The following GABRG3 variants were observed in gnomAD, a reference collection of about 807,000 sequenced individuals.
GABRG3 encodes gamma-aminobutyric acid receptor subunit gamma-3.
Under a neutral mutation model 48.8 loss-of-function variants are expected in GABRG3, and 25 were observed. The ratio of observed to expected loss-of-function variants is 0.51; its 90% CI spans 0.37 to 0.72. The LOEUF (loss-of-function observed/expected upper bound fraction) is 0.72. Among genes scored for constraint, GABRG3 ranks in the 30% least tolerant of loss-of-function variants. The pLI, the probability that GABRG3 is intolerant of heterozygous loss-of-function variation, is 0.00. For missense variants in GABRG3, 394 were observed against 577.9 expected, an observed-to-expected ratio of 0.68 and a Z score of 3.26; for synonymous variants, 227 against 217.6, an observed-to-expected ratio of 1.04 and a Z score of -0.38.
Position 27,203,511 on chromosome 15 carries a change from G to A in GABRG3, c.271-123298G>A, listed in dbSNP as rs1352207886. On this transcript the variant is annotated intron_variant, in intron 3 of 9. Transcript: ENST00000615808. ...AGTGCTGTGATGAACATGCACATGC[G>A]TGTATCTTTATGGTAGAATGATTTA... is the stretch of plus-strand genomic sequence containing the variant. Among the ~76,000 whole-genome samples, 8 of 152,082 alleles carry A rather than the reference G, an allele frequency of 5.3e-5. No homozygotes were observed. In the South Asian group the frequency reaches 1.0e-3, roughly 20 times the overall value.
At chr15:27,001,955 A>G (rs1895457435) in intron 2 of GABRG3, among the ~76,000 whole-genome samples, 1 of 139,606 alleles carries the variant, frequency 7.2e-6, no homozygotes. Flanking sequence ...GGGTATTATG[A>G]TGTAGATGAA....
At chr15:27,285,800 G>A (rs1355237127) in intron 3 of GABRG3, among the ~76,000 whole-genome samples, 1 of 152,092 alleles carries the variant, frequency 6.6e-6, no homozygotes, top group Admixed American at 6.5e-5. Context: ...ACATCCACAA[G>A]GCAGACTGGC....
At chr15:27,134,633 C>G (rs2140385286) in intron 3 of GABRG3, among the ~76,000 whole-genome samples, 1 of 152,280 alleles carries the variant, frequency 6.6e-6, no homozygotes, top group South Asian at 2.1e-4. Flanking sequence ...CTAGTGTTCA[C>G]TGTCCTCCTC....
rs112099845 is a variant in GABRG3, at chr15:27,176,131, T to G, written c.270+149310T>G. ...TTAAACCAGTTCCTTTTTTTAACTTTAAGAGACCACACAGCTTTTACTATG... is the reference window on the plus strand; with the variant it reads ...TTAAACCAGTTCCTTTTTTTAACTTGAAGAGACCACACAGCTTTTACTATG... On this transcript the variant is annotated intron_variant, in intron 3 of 9. Transcript: ENST00000615808. Among the ~76,000 whole-genome samples, 365 of 152,340 alleles carry G rather than the reference T, an allele frequency of 2.4e-3. 8 individuals are homozygous for G. Among genetic ancestry groups the G allele is most frequent in the African/African-American group, 8.3e-3 (347 of 41,588 alleles).
intron 6 of GABRG3, among the ~76,000 whole-genome samples, chr15:27,506,160 T>G (rs905946015): frequency 6.6e-6 from 1 of 152,190 alleles, no homozygotes; most frequent in African/African-American, 2.4e-5. Flanking sequence ...GTTTATCAGT[T>G]GCAATGGGGA....
intron 5 of GABRG3, among the ~76,000 whole-genome samples, chr15:27,386,537 G>A (rs923820883): frequency 3.3e-5 from 5 of 151,996 alleles, no homozygotes; most frequent in African/African-American, 1.2e-4. Flanking sequence ...ATTTTTCCAT[G>A]GAACTTGGGG....
chr15:27,373,286 A>G (rs1306685187), intron 5 of GABRG3, among the ~76,000 whole-genome samples: 2 of 152,262 alleles, frequency 1.3e-5, no homozygotes, highest in Non-Finnish European at 2.9e-5. Flanking sequence ...AAGTGTTTTT[A>G]TCAACTCATT....
At chr15:27,168,641 G>A (rs535801578) in intron 3 of GABRG3, among the ~76,000 whole-genome samples, 17 of 152,172 alleles carry the variant, frequency 1.1e-4, no homozygotes, top group Non-Finnish European at 2.2e-4. Flanking sequence ...GGGAGCCTTC[G>A]TGAATGGGAT....
At chr15:27,209,472 C>A (rs1486556333) in intron 3 of GABRG3, among the ~76,000 whole-genome samples, 1 of 152,006 alleles carries the variant, frequency 6.6e-6, no homozygotes, top group Non-Finnish European at 1.5e-5. Context: ...CCGGCCGGTG[C>A]TTCTTAACAG....
chr15:27,306,524 A>T (rs1240881740), intron 3 of GABRG3, among the ~76,000 whole-genome samples: 1 of 135,720 alleles, frequency 7.4e-6, no homozygotes, highest in African/African-American at 2.8e-5. Context: ...AACATATATA[A>T]TATAAACATA....
chr15:27,461,631 G>C (rs1889452041), intron 5 of GABRG3, among the ~76,000 whole-genome samples: 1 of 152,194 alleles, frequency 6.6e-6, no homozygotes, highest in Admixed American at 6.5e-5. Context: ...CTGCCGGTTG[G>C]TCCATTTTAC....
At chr15:27,201,540 G>C (rs1888683965) in intron 3 of GABRG3, among the ~76,000 whole-genome samples, 1 of 151,994 alleles carries the variant, frequency 6.6e-6, no homozygotes, top group Non-Finnish European at 1.5e-5. Context: ...GAGCTGAGGA[G>C]AAGCAGCAGA....
At chr15:27,086,915 C>T (rs1175038188) in intron 3 of GABRG3, among the ~76,000 whole-genome samples, 1 of 152,220 alleles carries the variant, frequency 6.6e-6, no homozygotes, top group African/African-American at 2.4e-5. Context: ...TAGCTGGATG[C>T]AGGACAAGGG....
intron 5 of GABRG3, among the ~76,000 whole-genome samples, chr15:27,343,338 G>A (rs1247396603): frequency 6.6e-6 from 1 of 152,220 alleles, no homozygotes; most frequent in African/African-American, 2.4e-5. Context: ...TTAACAGCAT[G>A]AAATGATAGA....
chr15:27,224,076 ACC>A (rs1889535133), intron 3 of GABRG3, among the ~76,000 whole-genome samples: 3 of 152,180 alleles, frequency 2.0e-5, no homozygotes, highest in Non-Finnish European at 4.4e-5. Flanking sequence ...CCGAGGAAGT[ACC>A]AGGTGATGTA....
intron 2 of GABRG3, among the ~76,000 whole-genome samples, chr15:26,979,401 G>A (rs765185095): frequency 4.6e-5 from 7 of 152,058 alleles, no homozygotes; most frequent in Non-Finnish European, 8.8e-5. Context: ...TGGTGTGAAT[G>A]GACATCTCTG....
chr15:26,971,787 G>A (rs1319235315), intron 1 of GABRG3, among the ~76,000 whole-genome samples, 199 bp downstream of exon 1: 2 of 152,202 alleles, frequency 1.3e-5, no homozygotes, highest in Non-Finnish European at 2.9e-5. Flanking sequence ...TTCCTCTGCA[G>A]CCGGGAGTGT....
At chr15:27,475,658 G>A (rs111207227) in intron 5 of GABRG3, among the ~76,000 whole-genome samples, 17 of 152,110 alleles carry the variant, frequency 1.1e-4, no homozygotes, top group African/African-American at 3.6e-4. Flanking sequence ...TAGTGATGAT[G>A]TTGGTGATAG....
intron 3 of GABRG3, among the ~76,000 whole-genome samples, chr15:27,164,074 T>G (rs551192691): frequency 6.6e-6 from 1 of 152,354 alleles, no homozygotes; most frequent in East Asian, 1.9e-4. Context: ...GTTTCACACA[T>G]AAACATTCCA....
Sources: allele counts gnomAD v4.1 joint callset (sites outside exome capture counted in the v4.1 genomes callset), GRCh38; gene constraint gnomAD v4.1.1; transcripts MANE v1.5; gene names NCBI Gene and HGNC (gene_info 2026-07-23, HGNC 2026-07-21).